Variants in PALS1 observed in about 807,000 individuals in gnomAD.
PALS1 encodes protein associated with LIN7 1, MAGUK p55 family member, also known as protein PALS1.
PALS1 carries 31 observed loss-of-function variants against 78.9 expected under a neutral mutation model. That is an observed-to-expected ratio of 0.39 (90% CI 0.30 to 0.53). The LOEUF (loss-of-function observed/expected upper bound fraction) is 0.53. Among genes scored for constraint, PALS1 ranks in the 20% least tolerant of loss-of-function variants. The pLI is 0.67. For missense variants in PALS1, 704 were observed against 826.5 expected, an observed-to-expected ratio of 0.85 and a Z score of 1.82; for synonymous variants, 276 against 270.9, an observed-to-expected ratio of 1.02 and a Z score of -0.18.
chr14:67,293,139 G>A (rs910488515), intron 4 of PALS1, among the ~76,000 whole-genome samples: 2 of 152,012 alleles, frequency 1.3e-5, no homozygotes, highest in Non-Finnish European at 2.9e-5. Context: ...GTATTTGGAA[G>A]TTTTCCTCCT....
intron 11 of PALS1, among the ~76,000 whole-genome samples, chr14:67,318,445 G>A (rs1315784171): frequency 6.6e-6 from 1 of 151,988 alleles, no homozygotes; most frequent in Non-Finnish European, 1.5e-5. Context: ...TTTTGAAACA[G>A]ACTGAAGTTA....
intron 14 of PALS1, among the ~76,000 whole-genome samples, chr14:67,329,958 A>C (rs1031948020): frequency 7.4e-6 from 1 of 134,908 alleles, no homozygotes; most frequent in Non-Finnish European, 1.5e-5. Context: ...TTGTACTCTG[A>C]ATCTGTTCTT....
intron 3 of PALS1, among the ~76,000 whole-genome samples, chr14:67,281,016 A>T (rs994414163): frequency 3.1e-4 from 47 of 151,296 alleles, no homozygotes; most frequent in Non-Finnish European, 5.2e-4. Context: ...CTCCTGCCTT[A>T]GCCTCCCGAG....
chr14:67,316,836 A>C lies in PALS1; in HGVS notation c.1230A>C (p.Lys410Asn). The change falls in exon 10 of 15, where the codon AAA (lysine) becomes AAC (asparagine). Residue 410 changes from lysine to asparagine, a missense_variant. By Grantham distance (94) the Lys-to-Asn change is moderately conservative. Coordinates refer to ENST00000261681, the MANE Select transcript of PALS1 (RefSeq NM_022474.4). The part of the protein sequence containing the change: ...NQPLAGLVPG[K>N]SFQQQREAMK... ...CTTTTTCTTTCTGCTATTAAGGGAA[A>C]AGCTTTCAGCAGCAAAGGGAAGCCA... 6.2e-7 allele frequency: 1 copy of C among 1,610,994 alleles called. No individual in the cohort carries two copies. Among genetic ancestry groups the C allele is most frequent in the Non-Finnish European group, 8.5e-7 (1 of 1,178,642 alleles).
Position 67,321,066 on chromosome 14 carries a change from G to A in PALS1, c.1547G>A (p.Arg516Gln), listed in dbSNP as rs201555126. 22 of 1,613,856 alleles carry A rather than the reference G, an allele frequency of 1.4e-5. No homozygotes were observed. The highest frequency in any genetic ancestry group is 1.3e-5 in the African/African-American group (1 of 74,886). Residue 516 changes from arginine to glutamine, a missense_variant, in exon 13 of 15, where the codon CGG becomes CAG. Arg to Gln is a conservative substitution (Grantham distance 43). Transcript: ENST00000261681. ...RFASAVPHTTRSRRDQEVAGR... is the reference protein window; with the variant it reads ...RFASAVPHTTQSRRDQEVAGR... ...GATTTTGTTTGCCTAGATACAACCC[G>A]GAGTAGGCGAGACCAAGAAGTAGCC...
chr14:67,324,028 C>T (rs984743282), intron 14 of PALS1, among the ~76,000 whole-genome samples: 2 of 152,170 alleles, frequency 1.3e-5, no homozygotes, highest in Non-Finnish European at 2.9e-5. Context: ...AACCTTTGAG[C>T]GTCTTCACAT....
intron 3 of PALS1, among the ~76,000 whole-genome samples, chr14:67,280,921 G>A (rs1172705221): frequency 1.4e-5 from 2 of 139,858 alleles, no homozygotes; most frequent in Non-Finnish European, 1.5e-5. Context: ...TTTTGAGGTG[G>A]AGTCTTGCTC....
Position 67,302,460 on chromosome 14 carries a change from A to G in PALS1, c.852A>G (p.Val284=), listed in dbSNP as rs10146663. 1 of 1,597,836 alleles carries G rather than the reference A, an allele frequency of 6.3e-7. No individual in the cohort carries two copies. The highest frequency in any genetic ancestry group is 8.5e-7 in the Non-Finnish European group (1 of 1,172,008). The change falls in exon 7 of 15, where the codon GTA becomes GTG. Residue 284 remains valine, a synonymous_variant. Transcript: ENST00000261681. ...EMDSVIISRI[V]KGGAAEKSGL... is the part of the protein sequence containing the mutation. ...ACTCTGTCATCATTAGCCGGATAGT[A>G]AAAGGGGGTGCTGCAGAGAAAAGTG...
intron 8 of PALS1, among the ~76,000 whole-genome samples, chr14:67,308,546 C>CTTTT (rs375911648): frequency 6.8e-5 from 9 of 131,834 alleles, no homozygotes; most frequent in Non-Finnish European, 1.5e-4. Flanking sequence ...TTTTCTTTTT[C>CTTTT]TTTTTTTTTT....
intron 8 of PALS1, among the ~76,000 whole-genome samples, chr14:67,308,011 A>G (rs1191203978): frequency 6.6e-6 from 1 of 152,144 alleles, no homozygotes; most frequent in Non-Finnish European, 1.5e-5. Context: ...GTTCTCTTAC[A>G]TGTGGGAGCT....
chr14:67,277,445 G>A (rs935809788), intron 2 of PALS1, among the ~76,000 whole-genome samples: 2 of 152,176 alleles, frequency 1.3e-5, no homozygotes, highest in African/African-American at 4.8e-5. Flanking sequence ...TATGACCCAA[G>A]ATGTTTGAGA....
chr14:67,279,205 A>C lies in PALS1; in HGVS notation c.35A>C (p.Glu12Ala). 1 of 1,609,950 alleles carries C rather than the reference A, an allele frequency of 6.2e-7. No homozygotes were observed. Among genetic ancestry groups the C allele is most frequent in the Non-Finnish European group, 8.5e-7 (1 of 1,178,362 alleles). Residue 12 changes from glutamate (E) to alanine (A), a missense_variant, in exon 3 of 15, where the codon GAG becomes GCG. Glu to Ala is a moderately radical substitution (Grantham distance 107). Transcript: ENST00000261681. ...TCCCATATGAATGGGCATGTTACAG[A>C]GGAATCAGACAGCGAAGTAAAAAAT... Reference protein sequence around the residue: ...TTSHMNGHVTEESDSEVKNVD... With the variant: ...TTSHMNGHVTAESDSEVKNVD...
chr14:67,271,505 GTCCAACT>G (rs1466652405), intron 2 of PALS1: 1 of 152,210 alleles, frequency 6.6e-6, no homozygotes, highest in Non-Finnish European at 1.5e-5. Flanking sequence ...AATAGCAGTA[GTCCAACT>G]TGATCAAGAA....
At chr14:67,302,283 A>G (rs772644005) in intron 6 of PALS1, 127 bp from the exon 7 acceptor site, 10 of 1,062,976 alleles carry the variant, frequency 9.4e-6, no homozygotes, top group Non-Finnish European at 1.0e-5. Context: ...CTAGTTGTGT[A>G]AATAAATTTT....
intron 1 of PALS1, among the ~76,000 whole-genome samples, chr14:67,267,372 C>T (rs2084345120): frequency 6.6e-6 from 1 of 152,128 alleles, no homozygotes; most frequent in Non-Finnish European, 1.5e-5. Flanking sequence ...GATTCTCCTG[C>T]CTCCCCCTCC....
At chr14:67,296,820 A>T (rs1349814471) in intron 4 of PALS1, among the ~76,000 whole-genome samples, 7 of 152,008 alleles carry the variant, frequency 4.6e-5, no homozygotes, top group Non-Finnish European at 5.9e-5. Flanking sequence ...CTGCAACCTC[A>T]ACCTCCTGGG....
intron 4 of PALS1, among the ~76,000 whole-genome samples, chr14:67,295,461 G>C (rs1311592654): frequency 6.6e-6 from 1 of 150,678 alleles, no homozygotes; most frequent in Non-Finnish European, 1.5e-5. Flanking sequence ...CTGCATTCCA[G>C]TCTGGGCGAC....
intron 14 of PALS1, among the ~76,000 whole-genome samples, chr14:67,326,008 G>A (rs2085349917): frequency 1.2e-5 from 1 of 86,592 alleles, no homozygotes; most frequent in African/African-American, 7.6e-5. Context: ...TGTATTTTTA[G>A]TAGAGACTGG....
intron 3 of PALS1, among the ~76,000 whole-genome samples, chr14:67,284,258 A>C (rs1165333267): frequency 6.6e-6 from 1 of 151,942 alleles, no homozygotes; most frequent in East Asian, 1.9e-4. Flanking sequence ...CATACCATAA[A>C]ATTTTGTCTT....
Sources: gnomAD v4.1 joint callset for allele counts (sites outside exome capture counted in the v4.1 genomes callset) on GRCh38, gnomAD v4.1.1 for gene constraint, MANE v1.5 for transcripts, NCBI Gene and HGNC (gene_info 2026-07-23, HGNC 2026-07-21) for gene names.